The following GRIK2 variants were observed in gnomAD, a reference collection of about 807,000 sequenced individuals.
GRIK2 encodes glutamate receptor ionotropic, kainate 2.
In GRIK2, 32 loss-of-function variants were observed where a neutral mutation model predicts 100.3. The ratio of observed to expected loss-of-function variants is 0.32; its 90% CI spans 0.24 to 0.43. The LOEUF is 0.43. Ranked by LOEUF, GRIK2 falls within the 20% of genes least tolerant of loss-of-function variation. The pLI is 1.00. For missense variants in GRIK2, 843 were observed against 1,114.9 expected (o/e 0.76, Z 3.47); for synonymous variants, 417 against 389.4 (o/e 1.07, Z -0.83).
At chr6:101,542,112 G>C (rs929899304) in intron 2 of GRIK2, among the ~76,000 whole-genome samples, 1 of 151,744 alleles carries the variant, frequency 6.6e-6, no homozygotes, top group East Asian at 1.9e-4. Context: ...ACTGTTTCCC[G>C]TGTTTCTAGG....
intron 14 of GRIK2, among the ~76,000 whole-genome samples, chr6:101,977,185 A>G (rs546742322): frequency 6.6e-5 from 10 of 151,766 alleles, no homozygotes; most frequent in Non-Finnish European, 1.5e-4. Flanking sequence ...AAGAGAGGCT[A>G]TAATAGGAAA....
chr6:101,924,788 G>T (rs1014419083), intron 13 of GRIK2, 69 bp downstream of exon 13: 6 of 958,038 alleles, frequency 6.3e-6, no homozygotes, highest in Non-Finnish European at 1.0e-5. Flanking sequence ...GACAGCTCTT[G>T]CTGGCACAAG....
intron 16 of GRIK2, among the ~76,000 whole-genome samples, chr6:102,060,925 C>CGAAGA (rs1771719691): frequency 6.6e-6 from 1 of 150,410 alleles, no homozygotes; most frequent in Non-Finnish European, 1.5e-5. Context: ...ACTTGTTCTT[C>CGAAGA]ACAAGTTAAA....
At chr6:101,792,167 C>G (rs902926547) in intron 7 of GRIK2, among the ~76,000 whole-genome samples, 2 of 151,214 alleles carry the variant, frequency 1.3e-5, no homozygotes, top group Non-Finnish European at 3.0e-5. Flanking sequence ...ATCCAATTTG[C>G]CAGTCTGTGT....
chr6:101,836,662 T>TATATGTATGTGTATATATATATATATA (rs1491382793), intron 10 of GRIK2, among the ~76,000 whole-genome samples: 6 of 52,730 alleles, frequency 1.1e-4, no homozygotes, highest in South Asian at 8.1e-4. Context: ...TATATATATA[T>TATATGTATGTGTATATATATATATATA]TTTTTTTTTT....
intron 2 of GRIK2, among the ~76,000 whole-genome samples, chr6:101,506,302 C>A (rs1475473479): frequency 1.3e-5 from 2 of 152,148 alleles, no homozygotes; most frequent in East Asian, 1.9e-4. Context: ...TAAATATTTT[C>A]TTTTTGAAAA....
At chr6:101,990,450 A>G (rs1794292968) in intron 14 of GRIK2, among the ~76,000 whole-genome samples, 2 of 151,536 alleles carry the variant, frequency 1.3e-5, no homozygotes, top group Admixed American at 1.3e-4. Context: ...TCTCACTCCA[A>G]TTTCCACTTA....
chr6:101,629,276 T>C (rs1199810122), intron 4 of GRIK2, among the ~76,000 whole-genome samples: 1 of 152,152 alleles, frequency 6.6e-6, no homozygotes, highest in Admixed American at 6.6e-5. Context: ...GTGGTAATGC[T>C]AACTTAGAAT....
intron 2 of GRIK2, among the ~76,000 whole-genome samples, chr6:101,576,937 CAT>C (rs1241679909): frequency 1.3e-5 from 2 of 151,904 alleles, no homozygotes; most frequent in Non-Finnish European, 2.9e-5. Flanking sequence ...ATTGAATAAA[CAT>C]ATAATGAACA....
At chr6:101,924,183 T>G (rs900298680) in intron 12 of GRIK2, among the ~76,000 whole-genome samples, 3 of 152,152 alleles carry the variant, frequency 2.0e-5, no homozygotes, top group South Asian at 2.1e-4. Context: ...GCAAAATTCT[T>G]ATGATGATTT....
intron 14 of GRIK2, among the ~76,000 whole-genome samples, chr6:101,948,407 A>G (rs908093240): frequency 2.0e-5 from 3 of 150,162 alleles, no homozygotes; most frequent in Non-Finnish European, 4.4e-5. Flanking sequence ...AGTGTTAACC[A>G]TCAGTGCCAT....
chr6:102,010,607 G>A (rs534296935), intron 14 of GRIK2, among the ~76,000 whole-genome samples: 1 of 151,830 alleles, frequency 6.6e-6, no homozygotes, highest in African/African-American at 2.4e-5. Flanking sequence ...GGATGGTCCC[G>A]ATCTCCTGAC....
intron 7 of GRIK2, among the ~76,000 whole-genome samples, chr6:101,791,528 T>A (rs1361870000): frequency 1.3e-5 from 2 of 152,212 alleles, no homozygotes; most frequent in Admixed American, 1.3e-4. Context: ...TTGAGTGAGT[T>A]TCTTAATCCT....
At chr6:101,852,944 C>G (rs1784220126) in intron 10 of GRIK2, among the ~76,000 whole-genome samples, 1 of 152,024 alleles carries the variant, frequency 6.6e-6, no homozygotes, top group African/African-American at 2.4e-5. Flanking sequence ...TTTGTGTACC[C>G]CTGGGGAATA....
At chr6:101,943,282 G>A (rs1582585414) in intron 14 of GRIK2, among the ~76,000 whole-genome samples, 2 of 152,200 alleles carry the variant, frequency 1.3e-5, no homozygotes, top group African/African-American at 4.8e-5. Flanking sequence ...ACACCTGGCT[G>A]TCCAGGCAGA....
intron 2 of GRIK2, among the ~76,000 whole-genome samples, chr6:101,403,349 C>A (rs75334737): frequency 0.011 from 1,631 of 152,254 alleles, 40 homozygotes; most frequent in African/African-American, 0.037. Context: ...CTCTTAAAGA[C>A]AAGCCAGTGG....
intron 14 of GRIK2, among the ~76,000 whole-genome samples, chr6:101,975,793 G>GTCTA (rs71028092): frequency 3.7e-4 from 36 of 96,970 alleles, no homozygotes; most frequent in South Asian, 3.4e-3. Flanking sequence ...CTGTCTGTCT[G>GTCTA]TCTATCTATC....
intron 14 of GRIK2, among the ~76,000 whole-genome samples, chr6:101,988,822 T>C (rs1794197878): frequency 6.6e-6 from 1 of 151,958 alleles, no homozygotes; most frequent in African/African-American, 2.4e-5. Flanking sequence ...ATAAATACTA[T>C]AGATTTCAAG....
In GRIK2 at chr6:101,473,716, C is replaced by T. The variant is rs551922325; in HGVS notation, c.115+74324C>T. Among the ~76,000 whole-genome samples the T allele has an allele frequency of 6.6e-4, 100 of 151,880 alleles. 1 individual carries two copies. Among genetic ancestry groups the T allele is most frequent in the African/African-American group, 2.2e-3 (93 of 41,514 alleles). On this transcript the variant is annotated intron_variant, in intron 2 of 16. Coordinates refer to ENST00000369134, the MANE Select transcript of GRIK2 (RefSeq NM_021956.5). ...ATGGGACTGTTTTTGCCCATATTTT[C>T]AACGTACTGGGTGCCCTTAGGTTTG...
Sources: allele counts gnomAD v4.1 joint callset (sites outside exome capture counted in the v4.1 genomes callset), GRCh38; gene constraint gnomAD v4.1.1; transcripts MANE v1.5; gene names NCBI Gene and HGNC (gene_info 2026-07-23, HGNC 2026-07-21).